Variants in SOX5 observed in about 807,000 individuals in gnomAD.
The protein encoded by SOX5 is SRY-box transcription factor 5.
In SOX5, 9 loss-of-function variants were observed where a neutral mutation model predicts 92.0. The observed-to-expected ratio is 0.10, with a 90% CI of 0.06 to 0.17. The LOEUF is 0.17. Ranked by LOEUF, SOX5 falls within the 10% of genes least tolerant of loss-of-function variation. The pLI, the probability that SOX5 is intolerant of heterozygous loss-of-function variation, is 1.00. For missense variants in SOX5, 642 were observed against 944.5 expected (o/e 0.68, Z 4.20); for synonymous variants, 344 against 336.3 (o/e 1.02, Z -0.25).
intron 1 of SOX5, among the ~76,000 whole-genome samples, chr12:24,457,289 T>C (rs1334899583): frequency 6.6e-6 from 1 of 152,174 alleles, no homozygotes; most frequent in African/African-American, 2.4e-5. Context: ...TTTTTTACCT[T>C]AACCTGAAAA....
intron 4 of SOX5, among the ~76,000 whole-genome samples, chr12:24,163,661 A>T (rs897319136): frequency 3.9e-5 from 6 of 152,040 alleles, no homozygotes; most frequent in Admixed American, 3.9e-4. Flanking sequence ...CATGGGGCAT[A>T]GGACTTCAAA....
At chr12:23,658,649 T>C (rs2082625891) in intron 7 of SOX5, among the ~76,000 whole-genome samples, 1 of 152,226 alleles carries the variant, frequency 6.6e-6, no homozygotes, top group East Asian at 1.9e-4. Flanking sequence ...CCTAACACTT[T>C]GGGAGGCCAA....
chr12:24,048,811 G>A (rs1957282471), intron 4 of SOX5, among the ~76,000 whole-genome samples: 1 of 152,106 alleles, frequency 6.6e-6, no homozygotes, highest in Non-Finnish European at 1.5e-5. Context: ...AAATAGACAA[G>A]TTTATAAAGA....
rs559092707 is a variant in SOX5 at position 24,122,645 on chromosome 12, T to C, written c.-2+90698A>G. 3.3e-5 allele frequency among the ~76,000 whole-genome samples: 5 copies of C among 152,318 alleles called. No individual in the cohort carries two copies. In the South Asian group the frequency reaches 1.0e-3, roughly 32 times the overall value. On this transcript the variant is annotated intron_variant, in intron 4 of 4. Transcript: ENST00000446891. ...TTGGACAAAGAAGATGTGAACCTAT[T>C]TAAAAAACAGTTGTAGCTTTATTGA...
intron 6 of SOX5, among the ~76,000 whole-genome samples, chr12:23,721,901 T>C (rs1567223172): frequency 1.3e-5 from 2 of 152,196 alleles, no homozygotes; most frequent in Non-Finnish European, 1.5e-5. Context: ...AACGAGGATA[T>C]ATGAATGGAC....
At chr12:24,087,073 G>C (rs1381487783) in intron 4 of SOX5, among the ~76,000 whole-genome samples, 1 of 151,938 alleles carries the variant, frequency 6.6e-6, no homozygotes, top group African/African-American at 2.4e-5. Context: ...TCAGTACTAA[G>C]GGCTCATGCA....
chr12:23,647,154 G>C (rs962993017), intron 7 of SOX5, among the ~76,000 whole-genome samples: 4 of 152,200 alleles, frequency 2.6e-5, no homozygotes, highest in Non-Finnish European at 5.9e-5. Context: ...TGTTGTGTTA[G>C]CAGGCATGAA....
chr12:24,555,330 G>T (rs1158053751), intron 1 of SOX5, among the ~76,000 whole-genome samples: 1 of 152,120 alleles, frequency 6.6e-6, no homozygotes, highest in African/African-American at 2.4e-5. Flanking sequence ...AAGGTCAGTT[G>T]GTATAGCTGG....
chr12:24,562,040 C>T (rs1189003926), intron 1 of SOX5, among the ~76,000 whole-genome samples: 1 of 152,252 alleles, frequency 6.6e-6, no homozygotes, highest in Non-Finnish European at 1.5e-5. Context: ...GGGTCGGGGT[C>T]CAAGCCGGCG....
intron 3 of SOX5, among the ~76,000 whole-genome samples, chr12:23,838,550 G>T (rs2096464959): frequency 1.3e-5 from 2 of 151,770 alleles, no homozygotes; most frequent in South Asian, 4.2e-4. Context: ...TGCTTGCTTT[G>T]TGCAATTTAT....
At chr12:24,509,248 T>C (rs1949085968) in intron 1 of SOX5, among the ~76,000 whole-genome samples, 1 of 152,250 alleles carries the variant, frequency 6.6e-6, no homozygotes, top group Admixed American at 6.5e-5. Context: ...TCCTTTGGTT[T>C]AAAGTGTTCC....
intron 4 of SOX5, among the ~76,000 whole-genome samples, chr12:24,206,888 T>G (rs1055830488): frequency 3.9e-5 from 6 of 152,196 alleles, no homozygotes; most frequent in African/African-American, 1.4e-4. Context: ...CACAAACCAG[T>G]AGTGCTAAGA....
chr12:24,167,995 T>C lies in SOX5; in HGVS notation c.-2+45348A>G, dbSNP rs533169086. Among the ~76,000 whole-genome samples, 11 of 152,324 alleles carry C rather than the reference T, an allele frequency of 7.2e-5. 1 individual carries two copies. The highest frequency in any genetic ancestry group is 2.4e-4 in the African/African-American group (10 of 41,574). ...GACTGCCATCTCTTAGAGGAAAGGATGTTCCTTGTTTTGGCATCACCTCAA... is the reference window on the plus strand; with the variant it reads ...GACTGCCATCTCTTAGAGGAAAGGACGTTCCTTGTTTTGGCATCACCTCAA... On this transcript the variant is annotated intron_variant, in intron 4 of 4. Coordinates refer to the SOX5 transcript ENST00000446891.
intron 4 of SOX5, among the ~76,000 whole-genome samples, chr12:24,194,490 T>C (rs1956831011): frequency 1.3e-5 from 2 of 152,142 alleles, no homozygotes; most frequent in Admixed American, 6.5e-5. Context: ...CTGGATTTGG[T>C]TCAATAGATT....
At chr12:24,243,236 A>G (rs983442519) in intron 3 of SOX5, among the ~76,000 whole-genome samples, 29 of 152,216 alleles carry the variant, frequency 1.9e-4, no homozygotes, top group African/African-American at 6.8e-4. Flanking sequence ...AATACATGAT[A>G]TACCAGAGAC....
intron 2 of SOX5, among the ~76,000 whole-genome samples, chr12:24,360,611 T>A (rs566831904): frequency 6.6e-6 from 1 of 152,230 alleles, no homozygotes; most frequent in African/African-American, 2.4e-5. Context: ...AGCCTCGAGG[T>A]TTTTTGTCTG....
At chr12:24,536,924 G>T (rs1042893396) in intron 1 of SOX5, among the ~76,000 whole-genome samples, 11 of 152,112 alleles carry the variant, frequency 7.2e-5, no homozygotes, top group African/African-American at 2.4e-4. Context: ...CACAACTCGG[G>T]TTCCTTTCTG....
intron 3 of SOX5, among the ~76,000 whole-genome samples, chr12:23,769,098 C>T (rs976366877): frequency 1.3e-5 from 2 of 152,038 alleles, no homozygotes; most frequent in Non-Finnish European, 2.9e-5. Flanking sequence ...TTATTTTTCT[C>T]TCTTGTTTTT....
intron 4 of SOX5, among the ~76,000 whole-genome samples, chr12:24,094,591 T>C (rs988394770): frequency 2.0e-5 from 3 of 152,118 alleles, no homozygotes; most frequent in African/African-American, 7.2e-5. Flanking sequence ...ACTCCTATTT[T>C]TGACAGTAAG....
Sources: gnomAD v4.1 joint callset for allele counts (sites outside exome capture counted in the v4.1 genomes callset) on GRCh38, gnomAD v4.1.1 for gene constraint, MANE v1.5 for transcripts, NCBI Gene and HGNC (gene_info 2026-07-23, HGNC 2026-07-21) for gene names.